Variants in DACH1 observed in about 807,000 individuals in gnomAD.
DACH1 encodes dachshund homolog 1.
In DACH1, 12 loss-of-function variants were observed where a neutral mutation model predicts 54.2. The ratio of observed to expected loss-of-function variants is 0.22; its 90% confidence interval spans 0.14 to 0.36. The LOEUF is 0.36. DACH1 is among the 10% of genes least tolerant of loss of function. The pLI is 1.00. For synonymous variants in DACH1, 386 were observed against 366.2 expected, an observed-to-expected ratio of 1.05 and a Z score of -0.62; for missense variants, 805 against 929.8, an observed-to-expected ratio of 0.87 and a Z score of 1.75.
chr13:71,501,872 G>A (rs1737043000), intron 6 of DACH1, among the ~76,000 whole-genome samples: 1 of 151,986 alleles, frequency 6.6e-6, no homozygotes, highest in African/African-American at 2.4e-5. Context: ...CAACAATTCT[G>A]TTACTGTTTT....
At chr13:71,803,310 T>A (rs1176874036) in intron 1 of DACH1, among the ~76,000 whole-genome samples, 2 of 152,148 alleles carry the variant, frequency 1.3e-5, no homozygotes, top group Non-Finnish European at 2.9e-5. Flanking sequence ...AAACACCCTC[T>A]CTAACAGTAT....
chr13:71,583,670 G>A (rs917352254), intron 3 of DACH1, among the ~76,000 whole-genome samples: 20 of 151,882 alleles, frequency 1.3e-4, no homozygotes, highest in African/African-American at 4.1e-4. Context: ...TGGGGAAACC[G>A]TCTCTACAAA....
At chr13:71,748,910 T>TC (rs1566476977) in intron 1 of DACH1, among the ~76,000 whole-genome samples, 17 of 39,222 alleles carry the variant, frequency 4.3e-4, no homozygotes, top group African/African-American at 7.4e-4. Context: ...CTTTCTTTCT[T>TC]TCTTTCTTTC....
intron 1 of DACH1, among the ~76,000 whole-genome samples, chr13:71,689,831 GT>G (rs1334384681): frequency 6.6e-6 from 1 of 152,162 alleles, no homozygotes; most frequent in African/African-American, 2.4e-5. Context: ...GTCGTAGGTA[GT>G]TGGGATAATC....
At chr13:71,679,591 T>TAA (rs138369758) in intron 2 of DACH1, among the ~76,000 whole-genome samples, 13 of 149,536 alleles carry the variant, frequency 8.7e-5, no homozygotes, top group Admixed American at 2.7e-4. Flanking sequence ...AATGGTTATT[T>TAA]AAAAAAAAAA....
intron 1 of DACH1, among the ~76,000 whole-genome samples, chr13:71,772,140 A>T (rs1885883039): frequency 6.6e-6 from 1 of 151,626 alleles, no homozygotes. Context: ...TCTACAGTAT[A>T]CTTGCCCCTT....
chr13:71,733,357 T>G (rs544095203), intron 1 of DACH1, among the ~76,000 whole-genome samples: 40 of 152,240 alleles, frequency 2.6e-4, no homozygotes, highest in African/African-American at 9.6e-4. Flanking sequence ...TGTTTGTTTG[T>G]GTTTTGTAGA....
chr13:71,814,151 G>A (rs1176184841), intron 1 of DACH1, among the ~76,000 whole-genome samples: 10 of 152,156 alleles, frequency 6.6e-5, no homozygotes, highest in African/African-American at 2.2e-4. Flanking sequence ...GTTTCATTGT[G>A]CTTGTCTATA....
At chr13:71,568,965 G>C (rs1316469688) in intron 4 of DACH1, among the ~76,000 whole-genome samples, 1 of 151,988 alleles carries the variant, frequency 6.6e-6, no homozygotes, top group Non-Finnish European at 1.5e-5. Context: ...ATTGTCTAAA[G>C]AGTATGTCAA....
chr13:71,711,427 TGAA>T (rs1882719440), intron 1 of DACH1, among the ~76,000 whole-genome samples: 1 of 152,132 alleles, frequency 6.6e-6, no homozygotes, highest in African/African-American at 2.4e-5. Context: ...TGCAGGCAGG[TGAA>T]GGACTAGATG....
intron 6 of DACH1, among the ~76,000 whole-genome samples, chr13:71,519,902 T>TATATATATATATATATATATATAG (rs1224663057): frequency 7.4e-6 from 1 of 135,350 alleles, no homozygotes; most frequent in South Asian, 2.3e-4. Context: ...TATATATATA[T>TATATATATATATATATATATATAG]ATATATCCTA....
intron 4 of DACH1, among the ~76,000 whole-genome samples, chr13:71,570,176 T>C (rs780923875): frequency 2.0e-5 from 3 of 152,312 alleles, no homozygotes; most frequent in South Asian, 4.1e-4. Context: ...CTCTAATACT[T>C]AGAACTTCTT....
intron 2 of DACH1, among the ~76,000 whole-genome samples, chr13:71,663,843 T>TG (rs1397980461): frequency 9.1e-4 from 139 of 152,128 alleles, no homozygotes; most frequent in African/African-American, 3.1e-3. Flanking sequence ...CTGTCTCAAA[T>TG]AATATGGCCA....
intron 1 of DACH1, among the ~76,000 whole-genome samples, chr13:71,809,582 AT>A (rs1033344392): frequency 1.3e-5 from 2 of 152,166 alleles, no homozygotes; most frequent in Admixed American, 6.6e-5. Flanking sequence ...TATAAGGAAT[AT>A]TTTTTTAAAT....
At chr13:71,845,940 GC>G (rs1873213498) in intron 1 of DACH1, 2 of 164,200 alleles carry the variant, frequency 1.2e-5, no homozygotes, top group African/African-American at 2.4e-5. Flanking sequence ...CCGTCTTGGA[GC>G]CTATGGGGCC....
chr13:71,640,126 C>A (rs114209390), intron 2 of DACH1, among the ~76,000 whole-genome samples: 1 of 151,928 alleles, frequency 6.6e-6, no homozygotes, highest in African/African-American at 2.4e-5. Context: ...ACTGACCACA[C>A]GGATTCTATG....
At chr13:71,465,055 C>T (rs1876442191) in intron 10 of DACH1, among the ~76,000 whole-genome samples, 1 of 152,004 alleles carries the variant, frequency 6.6e-6, no homozygotes, top group Admixed American at 6.6e-5. Flanking sequence ...AATAAAACAA[C>T]ATTATTGTGG....
intron 2 of DACH1, among the ~76,000 whole-genome samples, chr13:71,668,676 A>C (rs1880020457): frequency 1.3e-5 from 2 of 152,052 alleles, no homozygotes; most frequent in South Asian, 4.2e-4. Flanking sequence ...TGTAATCCCA[A>C]CACTTTGAGA....
intron 1 of DACH1, among the ~76,000 whole-genome samples, chr13:71,725,388 T>C (rs1426361584): frequency 6.6e-6 from 1 of 152,120 alleles, no homozygotes. Context: ...AAGCTGTCAT[T>C]TCATTCAAGT....
Sources: allele counts gnomAD v4.1 joint callset (sites outside exome capture counted in the v4.1 genomes callset), GRCh38; gene constraint gnomAD v4.1.1; transcripts MANE v1.5; gene names NCBI Gene and HGNC (gene_info 2026-07-23, HGNC 2026-07-21).